Variants in OSBPL10 observed in about 807,000 individuals in gnomAD.
The protein encoded by OSBPL10 is oxysterol-binding protein-related protein 10.
OSBPL10 carries 49 observed loss-of-function variants against 81.7 expected under a neutral mutation model. That is an observed-to-expected ratio of 0.60 (90% CI 0.48 to 0.76). OSBPL10 has a LOEUF of 0.76. OSBPL10 is among the 30% of genes least tolerant of loss of function. The pLI, the probability that OSBPL10 is intolerant of heterozygous loss-of-function variation, is 0.00. For synonymous variants in OSBPL10, 419 were observed against 383.6 expected (o/e 1.09, Z -1.08); for missense variants, 923 against 987.8 (o/e 0.93, Z 0.88).
At chr3:31,728,165 A>C (rs565759888) in intron 6 of OSBPL10, among the ~76,000 whole-genome samples, 11 of 152,342 alleles carry the variant, frequency 7.2e-5, no homozygotes, top group African/African-American at 2.4e-4. Context: ...TCAGTACATA[A>C]AGATATTATA....
chr3:31,810,096 C>G (rs1160853698), intron 4 of OSBPL10, among the ~76,000 whole-genome samples: 1 of 152,008 alleles, frequency 6.6e-6, no homozygotes, highest in Non-Finnish European at 1.5e-5. Context: ...GTCTCGAACT[C>G]CTGACCTTAG....
chr3:31,791,144 T>C lies in OSBPL10; in HGVS notation c.729+38896A>G, dbSNP rs527843720. On this transcript the variant is annotated intron_variant, in intron 4 of 11. Transcript: ENST00000396556. ...AAACAAAACATTTTTTGTTTTAAAA[T>C]AGAAGTGTCATTTTAAACACTGGAA... 2.2e-4 allele frequency among the ~76,000 whole-genome samples: 34 copies of C among 152,324 alleles called. No individual in the cohort carries two copies. The South Asian group carries it at 6.4e-3, about 29-fold the overall frequency.
chr3:32,016,614 G>T (rs945446871), intron 2 of OSBPL10, among the ~76,000 whole-genome samples: 3 of 152,034 alleles, frequency 2.0e-5, no homozygotes, highest in Non-Finnish European at 4.4e-5. Flanking sequence ...AAATAAAAGG[G>T]TTTTTCCTGG....
chr3:31,711,708 G>C (rs1004020485), intron 6 of OSBPL10, among the ~76,000 whole-genome samples: 1 of 152,122 alleles, frequency 6.6e-6, no homozygotes, highest in Admixed American at 6.5e-5. Context: ...GGGTGGAATG[G>C]GGGTGACAGC....
At chr3:31,933,076 A>C (rs1198626166) in intron 1 of OSBPL10, among the ~76,000 whole-genome samples, 1 of 152,224 alleles carries the variant, frequency 6.6e-6, no homozygotes, top group East Asian at 1.9e-4. Flanking sequence ...CAAGCAACTC[A>C]GAAGAGTTTA....
chr3:31,882,756 G>A (rs978315576), intron 1 of OSBPL10, among the ~76,000 whole-genome samples: 3 of 152,174 alleles, frequency 2.0e-5, no homozygotes, highest in Admixed American at 6.5e-5. Flanking sequence ...ACCTGGAAGA[G>A]CATCACCTGC....
intron 1 of OSBPL10, among the ~76,000 whole-genome samples, chr3:31,965,530 T>TTATATAAATTATATATTATATAA (rs1698321434): frequency 1.8e-5 from 1 of 57,120 alleles, no homozygotes; most frequent in African/African-American, 1.2e-4. Context: ...AACTATTATA[T>TTATATAAATTATATATTATATAA]TATATAAATT....
rs954340229 is a variant in OSBPL10 at position 31,661,460 on chromosome 3, C to CT, written c.*611dup. 8.5e-5 allele frequency: 13 copies of CT among 152,382 alleles called. 1 individual carries two copies. The highest frequency in any genetic ancestry group is 2.9e-4 in the African/African-American group (12 of 41,584). 9.4% of individuals were successfully genotyped at this position (152,382 alleles called of 1,614,324 possible). On this transcript the variant is annotated 3_prime_UTR_variant, in exon 12 of 12. Transcript: ENST00000396556. ...CATCCTGCAAGGCTCTGGCATAAAT[C>CT]TTTAACAGCTTCCTGCCAACCCCCA...
At chr3:31,784,393 GAAAGGAA>G (rs1206495782) in intron 4 of OSBPL10, among the ~76,000 whole-genome samples, 3 of 150,806 alleles carry the variant, frequency 2.0e-5, no homozygotes, top group African/African-American at 4.9e-5. Flanking sequence ...AAAGGAAAAG[GAAAGGAA>G]AAAGGAAAAG....
intron 2 of OSBPL10, chr3:32,030,414 C>T: frequency 1.5e-6 from 1 of 656,642 alleles, no homozygotes; most frequent in South Asian, 1.4e-5. Flanking sequence ...ATGCTGCTGG[C>T]ATTGTGGTAA....
upstream of OSBPL10, among the ~76,000 whole-genome samples, chr3:31,982,538 A>G (rs1271895688): frequency 6.6e-6 from 1 of 152,222 alleles, no homozygotes; most frequent in Non-Finnish European, 1.5e-5. Flanking sequence ...ACATCCTTCC[A>G]GGAAGATTTC....
chr3:31,758,667 C>A (rs1335285105), intron 4 of OSBPL10, among the ~76,000 whole-genome samples: 1 of 152,196 alleles, frequency 6.6e-6, no homozygotes, highest in Non-Finnish European at 1.5e-5. Flanking sequence ...TCTACTTCAT[C>A]TTTTGATGTC....
chr3:31,698,138 G>A (rs571039605), intron 7 of OSBPL10, among the ~76,000 whole-genome samples: 119 of 152,048 alleles, frequency 7.8e-4, no homozygotes, highest in African/African-American at 2.7e-3. Flanking sequence ...TTTCACAGCA[G>A]AGTCAAAATT....
intron 4 of OSBPL10, among the ~76,000 whole-genome samples, chr3:31,776,805 C>T (rs958733101): frequency 6.6e-6 from 1 of 152,056 alleles, no homozygotes; most frequent in Non-Finnish European, 1.5e-5. Context: ...GGAGGGCTGA[C>T]TGCTACACAG....
intron 10 of OSBPL10, 150 bp from the exon 11 acceptor site, chr3:31,664,382 G>T: frequency 1.4e-6 from 1 of 707,844 alleles, no homozygotes; most frequent in Non-Finnish European, 2.3e-6. Flanking sequence ...GACCCCGAGA[G>T]CCTAGATTTG....
chr3:31,999,321 T>C (rs1371333840), intron 2 of OSBPL10, among the ~76,000 whole-genome samples: 9 of 152,104 alleles, frequency 5.9e-5, no homozygotes, highest in Non-Finnish European at 2.9e-5. Context: ...TGTGATTATT[T>C]ATGCTTTGGG....
intron 1 of OSBPL10, among the ~76,000 whole-genome samples, chr3:31,943,832 G>C (rs1181307875): frequency 4.0e-5 from 6 of 151,848 alleles, no homozygotes; most frequent in Non-Finnish European, 8.8e-5. Flanking sequence ...GCCAGGCATG[G>C]TGGCACGCAC....
intron 1 of OSBPL10, among the ~76,000 whole-genome samples, chr3:32,047,303 A>G (rs115330954): frequency 0.017 from 2,591 of 152,204 alleles, 80 homozygotes; most frequent in African/African-American, 0.058. Context: ...AGAGAAGTAA[A>G]GAAACAAAAT....
At chr3:31,723,472 A>C (rs897604614) in intron 6 of OSBPL10, among the ~76,000 whole-genome samples, 2 of 152,050 alleles carry the variant, frequency 1.3e-5, no homozygotes, top group African/African-American at 4.8e-5. Context: ...TCCTACATCC[A>C]TAAGATCTGA....
Sources: gnomAD v4.1 joint callset for allele counts (sites outside exome capture counted in the v4.1 genomes callset) on GRCh38, gnomAD v4.1.1 for gene constraint, MANE v1.5 for transcripts, NCBI Gene and HGNC (gene_info 2026-07-23, HGNC 2026-07-21) for gene names.